ZNF722: variants seen among roughly 807,000 people sequenced by gnomAD.
ZNF722 encodes zinc finger protein 479 pseudogene.
chr7:64,009,797 G>A, the ZNF722 span, among the ~76,000 whole-genome samples: 1 of 152,148 alleles, frequency 6.6e-6, no homozygotes. Flanking sequence ...CTATTGATTG[G>A]AATAGTTTAA....
chr7:64,017,851 C>T, the ZNF722 span, among the ~76,000 whole-genome samples: 1 of 152,048 alleles, frequency 6.6e-6, no homozygotes, highest in Non-Finnish European at 1.5e-5. Flanking sequence ...TACATTCGAG[C>T]TATGCTTCAT....
At chr7:64,008,090 G>T in the ZNF722 span, among the ~76,000 whole-genome samples, 9 of 152,164 alleles carry the variant, frequency 5.9e-5, no homozygotes, top group African/African-American at 1.9e-4. Context: ...TGATGGGGTT[G>T]TTTGATTTTT....
At chr7:64,005,704 G>A in the ZNF722 span, 1 of 1,570,678 alleles carries the variant, frequency 6.4e-7, no homozygotes, top group Non-Finnish European at 8.7e-7. Flanking sequence ...ATAGAGATGT[G>A]ATGTTAGAGA....
the ZNF722 span, among the ~76,000 whole-genome samples, chr7:64,011,459 C>G: frequency 6.6e-6 from 1 of 152,116 alleles, no homozygotes; most frequent in African/African-American, 2.4e-5. Context: ...GACAAAATCT[C>G]TCAGCATTTG....
the ZNF722 span, among the ~76,000 whole-genome samples, chr7:64,013,975 G>A: frequency 6.6e-6 from 1 of 151,048 alleles, no homozygotes; most frequent in Non-Finnish European, 1.5e-5. Flanking sequence ...GACCTGCAAG[G>A]TTTCTGTTGA....
chr7:64,015,276 A>G, the ZNF722 span: 1 of 1,243,702 alleles, frequency 8.0e-7, no homozygotes, highest in East Asian at 2.3e-5. Context: ...TAAATTTTCA[A>G]ATTGCAATAG....
chr7:64,001,390 C>T, the ZNF722 span, among the ~76,000 whole-genome samples: 1 of 152,146 alleles, frequency 6.6e-6, no homozygotes, highest in Non-Finnish European at 1.5e-5. Flanking sequence ...TAGCAGTCTC[C>T]AGCTCCATTG....
At chr7:64,012,123 C>T in the ZNF722 span, among the ~76,000 whole-genome samples, 15 of 152,232 alleles carry the variant, frequency 9.9e-5, no homozygotes, top group Middle Eastern at 3.4e-3. Flanking sequence ...CAGCTCCATC[C>T]GGTTATTTAA....
the ZNF722 span, among the ~76,000 whole-genome samples, chr7:64,005,324 G>GAA: frequency 1.3e-5 from 2 of 151,608 alleles, no homozygotes; most frequent in African/African-American, 4.8e-5. Context: ...AAGAAAAATA[G>GAA]AAAAAAAAGA....
At chr7:64,004,847 AAAC>A in the ZNF722 span, among the ~76,000 whole-genome samples, 3 of 152,200 alleles carry the variant, frequency 2.0e-5, no homozygotes, top group Non-Finnish European at 4.4e-5. Flanking sequence ...ACTAGGCTAG[AAAC>A]ATTGGTGAGC....
the ZNF722 span, among the ~76,000 whole-genome samples, chr7:64,003,189 A>G: frequency 0.018 from 2,768 of 152,276 alleles, 167 homozygotes; most frequent in East Asian, 0.18. Flanking sequence ...AGTGCGGTTC[A>G]TGCTCCCATT....
the ZNF722 span, chr7:64,006,113 A>G: frequency 4.7e-6 from 3 of 631,850 alleles, no homozygotes; most frequent in African/African-American, 5.8e-5. Flanking sequence ...TTATGAATCA[A>G]CTTTAATTTT....
the ZNF722 span, chr7:64,006,185 C>A: frequency 1.9e-6 from 2 of 1,068,614 alleles, no homozygotes; most frequent in Non-Finnish European, 1.3e-6. Context: ...TTAAAGAATT[C>A]AGCAAGATTT....
At chr7:64,004,425 A>AAAATATATATAT in the ZNF722 span, among the ~76,000 whole-genome samples, 10 of 61,106 alleles carry the variant, frequency 1.6e-4, no homozygotes, top group African/African-American at 6.4e-4. Context: ...AAAAAAAAAA[A>AAAATATATATAT]ATATATATAT....
the ZNF722 span, among the ~76,000 whole-genome samples, chr7:63,999,522 A>T: frequency 6.6e-6 from 1 of 152,098 alleles, no homozygotes; most frequent in African/African-American, 2.4e-5. Context: ...ATTCTGTTAT[A>T]AGTTGCGTGA....
At chr7:64,002,339 T>A in the ZNF722 span, among the ~76,000 whole-genome samples, 3 of 152,212 alleles carry the variant, frequency 2.0e-5, no homozygotes, top group African/African-American at 7.2e-5. Context: ...GATGTGGATG[T>A]TTAGTGACAT....
the ZNF722 span, among the ~76,000 whole-genome samples, chr7:64,004,568 A>T: frequency 7.1e-4 from 107 of 151,250 alleles, 2 homozygotes; most frequent in East Asian, 0.018. Flanking sequence ...AATAAAGTTG[A>T]TAACAATTTT....
the ZNF722 span, among the ~76,000 whole-genome samples, chr7:63,999,211 T>C: frequency 4.5e-4 from 68 of 152,306 alleles, no homozygotes; most frequent in African/African-American, 1.6e-3. Flanking sequence ...CTTTTTCCTC[T>C]GCAGTGGCTT....
chr7:64,016,016 C>T, the ZNF722 span: 1 of 827,810 alleles, frequency 1.2e-6, no homozygotes, highest in Non-Finnish European at 1.8e-6. Flanking sequence ...AAACCTTTAA[C>T]AAGTTCCAAA....
Sources: gnomAD v4.1 joint callset for allele counts (sites outside exome capture counted in the v4.1 genomes callset) on GRCh38, gnomAD v4.1.1 for gene constraint, MANE v1.5 for transcripts, NCBI Gene and HGNC (gene_info 2026-07-23, HGNC 2026-07-21) for gene names.